MARCHF1: variants seen among roughly 807,000 people sequenced by gnomAD.
MARCHF1 encodes E3 ubiquitin-protein ligase MARCHF1.
In MARCHF1, 40 loss-of-function variants were observed where a neutral mutation model predicts 54.2. The observed-to-expected ratio is 0.74, with a 90% CI of 0.57 to 0.96. The LOEUF (loss-of-function observed/expected upper bound fraction) is 0.96. MARCHF1 is among the 40% of genes least tolerant of loss of function. The pLI is 0.00. For synonymous variants in MARCHF1, 236 were observed against 236.3 expected (o/e 1.00, Z 0.01); for missense variants, 586 against 656.5 (o/e 0.89, Z 1.17).
At position 164,189,622 on chromosome 4, in the gene MARCHF1, C is replaced by T. The variant is rs758791683; in HGVS notation, c.-322-77960G>A. On this transcript the variant is annotated intron_variant, in intron 1 of 9. Coordinates refer to ENST00000514618, the MANE Select transcript of MARCHF1 (RefSeq NM_001394959.1). ...TCAAGATACAGGTGACCTGGTAGTGCTTGATGTATGTCCCCTTACATTTGG... is the reference window on the plus strand; with the variant it reads ...TCAAGATACAGGTGACCTGGTAGTGTTTGATGTATGTCCCCTTACATTTGG... 1.6e-4 allele frequency: 142 copies of T among 914,260 alleles called. 1 individual carries two copies. The highest frequency in any genetic ancestry group is 2.4e-4 in the Non-Finnish European group (129 of 538,898). The allele number at this position is 914,260 out of a possible 1,614,324, so 56.6% of individuals were successfully genotyped here.
At chr4:163,576,169 G>A (rs1740030149) in intron 8 of MARCHF1, among the ~76,000 whole-genome samples, 1 of 149,892 alleles carries the variant, frequency 6.7e-6, no homozygotes, top group Non-Finnish European at 1.5e-5. Flanking sequence ...TTTTGATGTA[G>A]GTGTTTAGCA....
intron 4 of MARCHF1, among the ~76,000 whole-genome samples, chr4:163,725,478 C>T (rs1308532326): frequency 2.5e-5 from 3 of 120,572 alleles, no homozygotes; most frequent in East Asian, 2.4e-4. Context: ...ACACTATCTC[C>T]AAAAAAAAAA....
chr4:163,840,647 G>A (rs546417414), intron 4 of MARCHF1, among the ~76,000 whole-genome samples: 9 of 152,120 alleles, frequency 5.9e-5, no homozygotes, highest in Admixed American at 2.0e-4. Context: ...GGAAGGTGGC[G>A]GAAAAGGAGA....
chr4:164,294,731 T>C (rs1383347311), intron 1 of MARCHF1, among the ~76,000 whole-genome samples: 2 of 152,166 alleles, frequency 1.3e-5, no homozygotes, highest in African/African-American at 4.8e-5. Context: ...TCTTAGAAAC[T>C]GTGAATATAA....
chr4:163,891,998 C>CA lies in MARCHF1; in HGVS notation c.-38-37830dup, dbSNP rs1392485636. ...AGGCACTAAAAAGTCTCAATAGATT[C>CA]AACAGATTTTTTTTTAAAAAAAACA... On this transcript the variant is annotated intron_variant, in intron 3 of 9. Transcript: ENST00000514618. Among the ~76,000 whole-genome samples, 8 of 152,062 alleles carry CA rather than the reference C, an allele frequency of 5.3e-5. 1 individual carries two copies. Among genetic ancestry groups the CA allele is most frequent in the African/African-American group, 1.9e-4 (8 of 41,472 alleles).
intron 1 of MARCHF1, among the ~76,000 whole-genome samples, chr4:164,221,667 T>G (rs1247456381): frequency 3.3e-5 from 5 of 152,006 alleles, no homozygotes; most frequent in Non-Finnish European, 7.4e-5. Context: ...GATCTTTTTC[T>G]TCTCTCCTCC....
At chr4:163,959,670 G>A (rs1752306658) in intron 3 of MARCHF1, among the ~76,000 whole-genome samples, 1 of 151,858 alleles carries the variant, frequency 6.6e-6, no homozygotes, top group African/African-American at 2.4e-5. Context: ...CAACTTAAGA[G>A]AGATTATGGA....
At chr4:163,626,817 C>T (rs1741887371) in intron 5 of MARCHF1, among the ~76,000 whole-genome samples, 1 of 152,004 alleles carries the variant, frequency 6.6e-6, no homozygotes, top group African/African-American at 2.4e-5. Flanking sequence ...GTCTCAGCTA[C>T]TCGGGAGGCT....
At chr4:164,349,789 G>A (rs1730225418) in intron 1 of MARCHF1, among the ~76,000 whole-genome samples, 1 of 152,110 alleles carries the variant, frequency 6.6e-6, no homozygotes, top group Non-Finnish European at 1.5e-5. Flanking sequence ...AGCACTTGAG[G>A]TAAAACAGGA....
At chr4:163,686,386 C>T (rs1458336808) in intron 5 of MARCHF1, among the ~76,000 whole-genome samples, 3 of 150,964 alleles carry the variant, frequency 2.0e-5, no homozygotes, top group Non-Finnish European at 3.0e-5. Flanking sequence ...AGTGAATAAA[C>T]GTAATAGGGA....
At chr4:163,592,724 T>C (rs1254736485) in intron 7 of MARCHF1, among the ~76,000 whole-genome samples, 1 of 152,092 alleles carries the variant, frequency 6.6e-6, no homozygotes, top group Admixed American at 6.6e-5. Flanking sequence ...TCGATGCCAT[T>C]GATACTAGGA....
At chr4:163,789,008 A>G (rs1469846261) in intron 4 of MARCHF1, among the ~76,000 whole-genome samples, 4 of 152,016 alleles carry the variant, frequency 2.6e-5, no homozygotes, top group African/African-American at 4.8e-5. Flanking sequence ...GCCTGCCACA[A>G]TTATTACTGA....
intron 1 of MARCHF1, among the ~76,000 whole-genome samples, chr4:164,134,213 C>A (rs1756355875): frequency 6.6e-6 from 1 of 152,150 alleles, no homozygotes; most frequent in African/African-American, 2.4e-5. Flanking sequence ...GTTTTCCAAA[C>A]ACATTACTAC....
At chr4:164,331,036 T>C (rs1735421097) in intron 1 of MARCHF1, among the ~76,000 whole-genome samples, 1 of 152,194 alleles carries the variant, frequency 6.6e-6, no homozygotes, top group African/African-American at 2.4e-5. Context: ...AAGCCTGAAA[T>C]ATTTAGCCAT....
chr4:163,731,046 G>C (rs1257234732), intron 4 of MARCHF1, among the ~76,000 whole-genome samples: 4 of 152,050 alleles, frequency 2.6e-5, no homozygotes, highest in Admixed American at 1.3e-4. Context: ...CCAGTTAAAT[G>C]ACTTAAGGAT....
intron 1 of MARCHF1, among the ~76,000 whole-genome samples, chr4:164,212,651 TTAGA>T (rs1460894566): frequency 2.6e-5 from 4 of 152,186 alleles, no homozygotes; most frequent in African/African-American, 9.6e-5. Context: ...TTCCAGGTCT[TTAGA>T]AGATCAGATA....
At chr4:164,272,190 A>G (rs1676680403) in intron 1 of MARCHF1, among the ~76,000 whole-genome samples, 1 of 152,038 alleles carries the variant, frequency 6.6e-6, no homozygotes, top group Non-Finnish European at 1.5e-5. Flanking sequence ...ATAAACTGAT[A>G]CAGCTACTTT....
At chr4:164,207,516 G>A (rs58114160) in intron 1 of MARCHF1, among the ~76,000 whole-genome samples, 54,687 of 152,130 alleles carry the variant, frequency 0.36, 12,083 homozygotes, top group Non-Finnish European at 0.5. Flanking sequence ...AAACATTAAA[G>A]AGAAACCAGT....
intron 4 of MARCHF1, among the ~76,000 whole-genome samples, chr4:163,836,550 AT>A (rs144227072): frequency 1.6e-5 from 1 of 63,424 alleles, no homozygotes; most frequent in East Asian, 4.6e-4. Flanking sequence ...CGGCTAATTT[AT>A]TTTTTGATAC....
Sources: allele counts gnomAD v4.1 joint callset (sites outside exome capture counted in the v4.1 genomes callset), GRCh38; gene constraint gnomAD v4.1.1; transcripts MANE v1.5; gene names NCBI Gene and HGNC (gene_info 2026-07-23, HGNC 2026-07-21).